The following ODAM variants were observed in gnomAD, a reference collection of about 807,000 sequenced individuals.
The protein encoded by ODAM is odontogenic ameloblast-associated protein.
ODAM carries 55 observed loss-of-function variants against 48.5 expected under a neutral mutation model. The observed-to-expected ratio is 1.13, with a 90% CI of 0.91 to 1.42. The LOEUF (loss-of-function observed/expected upper bound fraction) is 1.42. Among genes scored for constraint, ODAM ranks in the 40% most tolerant of loss-of-function variants. The pLI, the probability that ODAM is intolerant of heterozygous loss-of-function variation, is 0.00. For synonymous variants in ODAM, 127 were observed against 107.8 expected, an observed-to-expected ratio of 1.18 and a Z score of -1.10; for missense variants, 353 against 323.6, an observed-to-expected ratio of 1.09 and a Z score of -0.70.
At position 70,202,842 on chromosome 4, in the gene ODAM, A is replaced by T; in HGVS notation, c.735A>T (p.Ser245=). 6.2e-7 allele frequency: 1 copy of T among 1,612,350 alleles called. No individual in the cohort carries two copies. Among genetic ancestry groups the T allele is most frequent in the Non-Finnish European group, 8.5e-7 (1 of 1,179,016 alleles). The change falls in exon 10 of 12, where the codon TCA becomes TCT. Residue 245 remains serine (S), a synonymous_variant. Transcript: ENST00000683306. ...CAGGAGTTTTCATGCCCTCAACTTC[A>T]CCAAAACCCAGCACAACCAATGTTT... The part of the protein sequence containing the change: ...DSAGVFMPST[S]PKPSTTNVFT...
intron 1 of ODAM, among the ~76,000 whole-genome samples, chr4:70,196,022 T>C (rs1347970814): frequency 6.6e-6 from 1 of 152,036 alleles, no homozygotes. Flanking sequence ...AAACATTGAC[T>C]CAGTTGCTTA....
chr4:70,203,125 C>T (rs750249870), intron 10 of ODAM, 31 bp from the exon 11 acceptor site: 1 of 1,545,902 alleles, frequency 6.5e-7, no homozygotes, highest in Admixed American at 1.7e-5. Context: ...AATTTAATAA[C>T]AGTTTCTTAT....
chr4:70,197,829 A>G, intron 4 of ODAM, 95 bp from the exon 5 acceptor site: 1 of 873,178 alleles, frequency 1.1e-6, no homozygotes, highest in Non-Finnish European at 1.8e-6. Context: ...AACTATAGAA[A>G]TTGTTTGTAT....
At position 70,202,258 on chromosome 4, in the gene ODAM, G is replaced by A. The variant is rs933413905; in HGVS notation, c.577G>A (p.Ala193Thr). The A allele has an allele frequency of 3.7e-6, 6 of 1,610,302 alleles. No individual in the cohort carries two copies. The highest frequency in any genetic ancestry group is 4.5e-5 in the East Asian group (2 of 44,730). Residue 193 changes from alanine to threonine, a missense_variant and splice_region_variant, in exon 9 of 12, where the codon GCT becomes ACT. Coordinates refer to ENST00000683306, the MANE Select transcript of ODAM (RefSeq NM_017855.4). ...TTTTTAAAACTTTTTGTGTTTTTAG[G>A]CTATATCAGGAGGACAGCAGCAACT... ...FGYIPQLAEP[A>T]ISGGQQQLAF...
chr4:70,197,239 G>A (rs1270359987), intron 3 of ODAM, 35 bp from the exon 4 acceptor site: 1 of 962,082 alleles, frequency 1.0e-6, no homozygotes, highest in African/African-American at 1.6e-5. Flanking sequence ...TTAGTGTGTA[G>A]TAATCTTGAT....
At chr4:70,200,967 T>C (rs916193472) in intron 7 of ODAM, among the ~76,000 whole-genome samples, 1 of 151,960 alleles carries the variant, frequency 6.6e-6, no homozygotes, top group African/African-American at 2.4e-5. Flanking sequence ...GGCAAAAATA[T>C]TAGCTACCTT....
At chr4:70,196,317 C>T (rs1729361191) in intron 1 of ODAM, among the ~76,000 whole-genome samples, 1 of 151,976 alleles carries the variant, frequency 6.6e-6, no homozygotes, top group East Asian at 1.9e-4. Context: ...GACAAGCAAA[C>T]AATCTTGGTT....
At chr4:70,200,165 GCTAT>G in intron 6 of ODAM, 2 of 416,768 alleles carry the variant, frequency 4.8e-6, no homozygotes, top group Non-Finnish European at 4.6e-6. Context: ...TGCTACATAG[GCTAT>G]CTTTCACTTA....
chr4:70,202,770 G>A lies in ODAM; in HGVS notation c.663G>A (p.Glu221=), dbSNP rs1406231831. The change falls in exon 10 of 12, where the codon GAG becomes GAA. Residue 221 remains glutamate, a synonymous_variant. Coordinates refer to ENST00000683306, the MANE Select transcript of ODAM (RefSeq NM_017855.4). The stretch of plus-strand genomic sequence containing the variant: ...ATTCTCTGTAGTCAACAGGAGAAGA[G>A]ATACCATATTTACAAAAAGAAGCGA... The part of the protein sequence containing the change: ...PEIAVMSTGE[E]IPYLQKEAIN... The A allele has an allele frequency of 6.2e-7, 1 of 1,610,316 alleles. No individual in the cohort carries two copies. Among genetic ancestry groups the A allele is most frequent in the South Asian group, 1.1e-5 (1 of 90,706 alleles).
intron 9 of ODAM, 45 bp from the exon 10 acceptor site, chr4:70,202,711 T>C: frequency 4.6e-6 from 7 of 1,530,928 alleles, no homozygotes; most frequent in Non-Finnish European, 6.2e-6. Context: ...TTTGGCCTTC[T>C]TGTTGAACTT....
At chr4:70,197,596 T>C (rs1729399717) in intron 4 of ODAM, 2 of 534,674 alleles carry the variant, frequency 3.7e-6, no homozygotes, top group Non-Finnish European at 3.3e-6. Flanking sequence ...CAAAAAGTCA[T>C]GCCCAGTTAA....
chr4:70,203,141 T>A lies in ODAM; in HGVS notation c.811-15T>A. On this transcript the variant is annotated splice_polypyrimidine_tract_variant and intron_variant, in intron 10 of 11. Transcript: ENST00000683306. The stretch of plus-strand genomic sequence containing the variant: ...ATTTAATAACAGTTTCTTATGAATG[T>A]CCTTTTCTCACTAGGACAAGACTGA... 1 of 1,579,502 alleles carries A rather than the reference T, an allele frequency of 6.3e-7. No homozygotes were observed. The highest frequency in any genetic ancestry group is 8.7e-7 in the Non-Finnish European group (1 of 1,150,786).
In ODAM at chr4:70,201,516, A is replaced by G; in HGVS notation, c.576+15A>G. The G allele has an allele frequency of 7.3e-7, 1 of 1,367,676 alleles. No homozygotes were observed. The highest frequency in any genetic ancestry group is 1.0e-6 in the Non-Finnish European group (1 of 961,650). 84.7% of individuals were successfully genotyped at this position (1,367,676 alleles called of 1,614,324 possible). On this transcript the variant is annotated intron_variant, in intron 8 of 11. Coordinates refer to ENST00000683306, the MANE Select transcript of ODAM (RefSeq NM_017855.4). ...TAGCAGAACCTGTAAGTAAATGCAT[A>G]TTTTTCATTAAAAATATTTTGAAAC...
chr4:70,203,249 C>T lies in ODAM; in HGVS notation c.*29+35C>T, dbSNP rs12507621. ...TGCCAAAGTCAAGAATTAGGTGCCA[C>T]GACAATTCCTACATAAGAAGACAAA... On this transcript the variant is annotated intron_variant, in intron 11 of 11. Coordinates refer to ENST00000683306, the MANE Select transcript of ODAM (RefSeq NM_017855.4). 8,306 of 1,175,436 alleles carry T rather than the reference C, an allele frequency of 7.1e-3. 360 individuals are homozygous for T. The African/African-American group carries it at 0.1, about 14-fold the overall frequency. The allele number at this position is 1,175,436 out of a possible 1,614,324, so 72.8% of individuals were successfully genotyped here. A position where few individuals can be genotyped will look rare whatever the true frequency, so the allele number is the denominator to read the frequency against.
At chr4:70,196,945 C>A (rs575100805) in intron 3 of ODAM, among the ~76,000 whole-genome samples, 7 of 152,014 alleles carry the variant, frequency 4.6e-5, no homozygotes, top group African/African-American at 1.4e-4. Context: ...TCTTCAAAGG[C>A]GGATACAATA....
In ODAM at chr4:70,197,322, G is replaced by A. The variant is rs1242288512; in HGVS notation, c.141+1G>A. On this transcript the variant is annotated splice_donor_variant, in intron 4 of 11. Transcript: ENST00000683306. LOFTEE classifies it high-confidence loss of function. ...TCAACTTTTGCCACTACAACTTCAG[G>A]TACCTCCATTTCAATAATTACTTTA... is the stretch of plus-strand genomic sequence containing the variant. The A allele has an allele frequency of 2.1e-6, 3 of 1,423,358 alleles. No homozygotes were observed. Among genetic ancestry groups the A allele is most frequent in the Non-Finnish European group, 9.9e-7 (1 of 1,009,320 alleles). 88.2% of individuals were successfully genotyped at this position (1,423,358 alleles called of 1,614,324 possible). A position where few individuals can be genotyped will look rare whatever the true frequency, so the allele number is the denominator to read the frequency against.
At chr4:70,203,347 C>T (rs931754712) in intron 11 of ODAM, 133 bp downstream of exon 11, 2 of 505,110 alleles carry the variant, frequency 4.0e-6, no homozygotes, top group African/African-American at 3.9e-5. Context: ...CTATATATAC[C>T]TATAAAATTA....
At chr4:70,196,754 C>T (rs767363966) in intron 3 of ODAM, 21 bp downstream of exon 3, 5 of 1,572,294 alleles carry the variant, frequency 3.2e-6, no homozygotes, top group Non-Finnish European at 4.3e-6. Context: ...ATAATTAAAA[C>T]AATCTCCTCC....
intron 7 of ODAM, 105 bp from the exon 8 acceptor site, chr4:70,201,349 T>G: frequency 1.7e-6 from 1 of 585,928 alleles, no homozygotes. Context: ...TAAAAATGCT[T>G]TTAACTTATA....
Sources: gnomAD v4.1 joint callset for allele counts (sites outside exome capture counted in the v4.1 genomes callset) on GRCh38, gnomAD v4.1.1 for gene constraint, MANE v1.5 for transcripts, NCBI Gene and HGNC (gene_info 2026-07-23, HGNC 2026-07-21) for gene names.